Variants in ABHD2 observed in about 807,000 individuals in gnomAD.
The protein encoded by ABHD2 is abhydrolase domain containing 2, acylglycerol lipase.
In ABHD2, 20 loss-of-function variants were observed where a neutral mutation model predicts 48.1. The ratio of observed to expected loss-of-function variants is 0.42; its 90% confidence interval spans 0.29 to 0.60. The LOEUF is 0.60. Ranked by LOEUF, ABHD2 falls within the 20% of genes least tolerant of loss-of-function variation. ABHD2 has a pLI of 0.24. For missense variants in ABHD2, 405 were observed against 550.9 expected, an observed-to-expected ratio of 0.74 and a Z score of 2.65; for synonymous variants, 209 against 214.2, an observed-to-expected ratio of 0.98 and a Z score of 0.21.
At chr15:89,066,685 G>A in the ABHD2 span, among the ~76,000 whole-genome samples, 1 of 152,270 alleles carries the variant, frequency 6.6e-6, no homozygotes, top group African/African-American at 2.4e-5. Context: ...AGGTGCTGGA[G>A]GTCTTAAGCC....
At chr15:89,144,797 A>G (rs140455777) in intron 3 of ABHD2, among the ~76,000 whole-genome samples, 1 of 152,236 alleles carries the variant, frequency 6.6e-6, no homozygotes, top group Non-Finnish European at 1.5e-5. Context: ...TGAATGTATT[A>G]AATGCTACTG....
chr15:89,082,735 TTCTG>T (rs975345575), upstream of ABHD2: 10 of 150,636 alleles, frequency 6.6e-5, no homozygotes, highest in African/African-American at 2.3e-4. This position sits in a 1 kb window ranked among gnomAD's most constrained non-coding sequence, Gnocchi z 4.4. Flanking sequence ...GACTTCATGA[TTCTG>T]TCTTTCTAGT....
At chr15:89,063,199 C>T in the ABHD2 span, among the ~76,000 whole-genome samples, 2 of 152,152 alleles carry the variant, frequency 1.3e-5, no homozygotes, top group East Asian at 1.9e-4. Context: ...AACTGCTGGC[C>T]TCAAGTGATC....
rs1365817459 is a variant in ABHD2 at position 89,146,037 on chromosome 15, G to A, written c.195-5640G>A. On this transcript the variant is annotated intron_variant, in intron 3 of 10. Coordinates refer to ENST00000352732, the MANE Select transcript of ABHD2 (RefSeq NM_152924.5). This position sits in a 1 kb window ranked among gnomAD's most constrained non-coding sequence, Gnocchi z 4.2. ...TGATGGGCATTTTGTTCACTGGAAA[G>A]GACTTGCTGCAACTTGCTGAGATGT... 6.6e-6 allele frequency among the ~76,000 whole-genome samples: 1 copy of A among 152,106 alleles called. No homozygotes were observed. The highest frequency in any genetic ancestry group is 1.5e-5 in the Non-Finnish European group (1 of 68,018).
At chr15:89,049,813 C>T in the ABHD2 span, among the ~76,000 whole-genome samples, 193 of 152,320 alleles carry the variant, frequency 1.3e-3, 1 homozygote, top group African/African-American at 4.2e-3. Flanking sequence ...GAGATGAACC[C>T]GGTACCTCAG....
In ABHD2 at chr15:89,196,355, C is replaced by CT. The variant is rs2051402826; in HGVS notation, c.*933dup. 6.6e-6 allele frequency: 1 copy of CT among 152,202 alleles called. No individual in the cohort carries two copies. Among genetic ancestry groups the CT allele is most frequent in the African/African-American group, 2.4e-5 (1 of 41,448 alleles). 9.4% of individuals were successfully genotyped at this position (152,202 alleles called of 1,614,324 possible). ...GTGGGCTGAGCATCTGGGCTGTGCC[C>CT]TGGCTCTGCTTTTCACCCTGGACAA... On this transcript the variant is annotated 3_prime_UTR_variant, in exon 11 of 11. Coordinates refer to ENST00000352732, the MANE Select transcript of ABHD2 (RefSeq NM_152924.5).
chr15:89,187,290 C>G (rs922996665), intron 7 of ABHD2, among the ~76,000 whole-genome samples: 3 of 152,162 alleles, frequency 2.0e-5, no homozygotes, highest in African/African-American at 4.8e-5. Flanking sequence ...TCACATTTTT[C>G]AAATTTACTA....
chr15:89,048,500 T>G, the ABHD2 span, among the ~76,000 whole-genome samples: 2 of 152,138 alleles, frequency 1.3e-5, no homozygotes, highest in Non-Finnish European at 2.9e-5. Flanking sequence ...TGTTTTCCAA[T>G]TTGGTTCCAT....
At position 89,092,198 on chromosome 15, in the gene ABHD2, C is replaced by G. The variant is rs1253846056; in HGVS notation, c.-107+3635C>G. On this transcript the variant is annotated intron_variant, in intron 1 of 10. Coordinates refer to ENST00000352732, the MANE Select transcript of ABHD2 (RefSeq NM_152924.5). This position sits in a 1 kb window ranked among gnomAD's most constrained non-coding sequence, Gnocchi z 4.4. ...TACCCCTGAAGCTTGTGGACTGGGG[C>G]CATTTGGGTGAGGGGCTTGTTACAC... Among the ~76,000 whole-genome samples the G allele has an allele frequency of 6.6e-6, 1 of 152,138 alleles. No individual in the cohort carries two copies. Among genetic ancestry groups the G allele is most frequent in the East Asian group, 1.9e-4 (1 of 5,206 alleles).
Position 89,184,778 on chromosome 15 carries a change from G to A in ABHD2, c.723-646G>A, listed in dbSNP as rs1011393252. ...GGCCCTCACAGCCACACACTAGTGT[G>A]CCAGTCACACACTAGCCCTAGAGGC... On this transcript the variant is annotated intron_variant, in intron 6 of 10. Transcript: ENST00000352732. The surrounding 1 kb of genome is among the most constrained non-coding windows in gnomAD (Gnocchi z 5.1). Among the ~76,000 whole-genome samples, 3 of 152,178 alleles carry A rather than the reference G, an allele frequency of 2.0e-5. No individual in the cohort carries two copies. Among genetic ancestry groups the A allele is most frequent in the Non-Finnish European group, 4.4e-5 (3 of 68,024 alleles).
At chr15:89,110,457 T>C (rs1347445456) in intron 1 of ABHD2, among the ~76,000 whole-genome samples, 1 of 152,228 alleles carries the variant, frequency 6.6e-6, no homozygotes, top group African/African-American at 2.4e-5. Flanking sequence ...GGGTTCTAGA[T>C]CTAGCTGCTC....
rs148236754 is a variant in ABHD2 at position 89,166,148 on chromosome 15, C to A, written c.539-9664C>A. ...AAAAAAATAGGATTAAAAACAATAT[C>A]TTCTATGTCAAGTGAAAGGAATAAA... On this transcript the variant is annotated intron_variant, in intron 5 of 10. Transcript: ENST00000352732. This position sits in a 1 kb window ranked among gnomAD's most constrained non-coding sequence, Gnocchi z 4.6. Among the ~76,000 whole-genome samples, 610 of 152,288 alleles carry A rather than the reference C, an allele frequency of 4.0e-3. 1 individual carries two copies. Among genetic ancestry groups the A allele is most frequent in the Non-Finnish European group, 6.3e-3 (426 of 68,028 alleles).
At chr15:89,156,195 A>G (rs1357030316) in intron 5 of ABHD2, among the ~76,000 whole-genome samples, 1 of 133,282 alleles carries the variant, frequency 7.5e-6, no homozygotes, top group African/African-American at 2.9e-5. Context: ...ATCCTGGCTC[A>G]CTGCAGGCTC....
At chr15:89,163,328 A>C (rs2050790273) in intron 5 of ABHD2, among the ~76,000 whole-genome samples, 1 of 152,254 alleles carries the variant, frequency 6.6e-6, no homozygotes, top group Non-Finnish European at 1.5e-5. Context: ...TAAATGGATA[A>C]TTAAGCATTC....
rs1862765722 is a variant in ABHD2 at position 89,106,735 on chromosome 15, T to C, written c.-106-6990T>C. Among the ~76,000 whole-genome samples, 1 of 151,980 alleles carries C rather than the reference T, an allele frequency of 6.6e-6. No homozygotes were observed. The highest frequency in any genetic ancestry group is 2.4e-5 in the African/African-American group (1 of 41,356). On this transcript the variant is annotated intron_variant, in intron 1 of 10. Coordinates refer to ENST00000352732, the MANE Select transcript of ABHD2 (RefSeq NM_152924.5). The surrounding 1 kb of genome is among the most constrained non-coding windows in gnomAD (Gnocchi z 4.2). ...TTCCTCCTTACTTTCTCTCCAAGGG[T>C]GTCATGTTGCCCACATTTAAGGTTG...
intron 1 of ABHD2, among the ~76,000 whole-genome samples, chr15:89,099,942 T>C (rs1047935530): frequency 6.6e-6 from 1 of 152,098 alleles, no homozygotes; most frequent in African/African-American, 2.4e-5. Flanking sequence ...TACAGTGATT[T>C]AAAGATAACA....
chr15:89,099,993 G>A (rs1335369827), intron 1 of ABHD2, among the ~76,000 whole-genome samples: 1 of 152,148 alleles, frequency 6.6e-6, no homozygotes, highest in East Asian at 1.9e-4. Flanking sequence ...TAGGATGAGA[G>A]TCTTTACCCT....
chr15:89,150,152 T>G (rs1451219117), intron 3 of ABHD2, among the ~76,000 whole-genome samples: 2 of 152,204 alleles, frequency 1.3e-5, no homozygotes, highest in Non-Finnish European at 2.9e-5. Flanking sequence ...CATATGAAAT[T>G]TACTCATTCT....
the ABHD2 span, among the ~76,000 whole-genome samples, chr15:89,050,132 A>T: frequency 6.6e-6 from 1 of 152,228 alleles, no homozygotes; most frequent in Non-Finnish European, 1.5e-5. Context: ...TCATCCACCC[A>T]GGGCAGAGGG....
Sources: allele counts gnomAD v4.1 joint callset (sites outside exome capture counted in the v4.1 genomes callset), GRCh38; gene constraint gnomAD v4.1.1; non-coding constraint Gnocchi (gnomAD v3.1); transcripts MANE v1.5; gene names NCBI Gene and HGNC (gene_info 2026-07-23, HGNC 2026-07-21).